PCBP3: variants seen among roughly 807,000 people sequenced by gnomAD.
PCBP3 encodes poly(rC)-binding protein 3.
Under a neutral mutation model 52.7 loss-of-function variants are expected in PCBP3, and 25 were observed. The ratio of observed to expected loss-of-function variants is 0.47; its 90% CI spans 0.35 to 0.66. The LOEUF is 0.66. Among genes scored for constraint, PCBP3 ranks in the 30% least tolerant of loss-of-function variants. The probability of loss-of-function intolerance (pLI) is 0.01; values close to 1 mark genes in which losing one functional copy is unlikely to be tolerated. For missense variants in PCBP3, 391 were observed against 490.3 expected (o/e 0.80, Z 1.91); for synonymous variants, 162 against 183.0 (o/e 0.89, Z 0.93).
chr21:45,877,107 G>C (rs56695250), intron 5 of PCBP3, among the ~76,000 whole-genome samples: 1 of 152,230 alleles, frequency 6.6e-6, no homozygotes, highest in Admixed American at 6.5e-5. Context: ...GGCCTCACAT[G>C]ACACTTTCAA....
intron 3 of PCBP3, among the ~76,000 whole-genome samples, chr21:45,748,795 G>C (rs987622478): frequency 6.6e-6 from 1 of 152,212 alleles, no homozygotes; most frequent in African/African-American, 2.4e-5. Context: ...AGAAGTGTCC[G>C]GTAGGAACCC....
At chr21:45,789,882 G>T (rs1358688103) in intron 4 of PCBP3, among the ~76,000 whole-genome samples, 1 of 152,214 alleles carries the variant, frequency 6.6e-6, no homozygotes, top group Non-Finnish European at 1.5e-5. Context: ...GCTCACGCCT[G>T]TAATCCCACC....
chr21:45,819,491 A>G (rs1422403246), intron 4 of PCBP3, among the ~76,000 whole-genome samples: 1 of 152,220 alleles, frequency 6.6e-6, no homozygotes, highest in Non-Finnish European at 1.5e-5. Flanking sequence ...TGCAGAGACC[A>G]CACCTGGCAC....
chr21:45,920,327 C>T (rs1172057068), intron 13 of PCBP3, among the ~76,000 whole-genome samples: 7 of 152,204 alleles, frequency 4.6e-5, no homozygotes, highest in Admixed American at 2.6e-4. Context: ...GGCTGTGTGC[C>T]ACGGTGGGAC....
intron 1 of PCBP3, among the ~76,000 whole-genome samples, chr21:45,647,506 A>T (rs2079395656): frequency 6.6e-6 from 1 of 152,240 alleles, no homozygotes; most frequent in South Asian, 2.1e-4. Flanking sequence ...GCCGAGAATC[A>T]GGGAAAGCTT....
chr21:45,680,529 A>G (rs566685062), intron 2 of PCBP3, among the ~76,000 whole-genome samples: 1 of 152,360 alleles, frequency 6.6e-6, no homozygotes, highest in East Asian at 1.9e-4. Context: ...ATACAAAAAT[A>G]AAATGAATTT....
chr21:45,802,309 C>G lies in PCBP3; in HGVS notation c.-126+46857C>G, dbSNP rs550160318. Among the ~76,000 whole-genome samples the G allele has an allele frequency of 2.6e-5, 4 of 152,292 alleles. No individual in the cohort carries two copies. The South Asian group carries it at 8.3e-4, about 32-fold the overall frequency. On this transcript the variant is annotated intron_variant, in intron 4 of 17. Coordinates refer to ENST00000681687, the MANE Select transcript of PCBP3 (RefSeq NM_001384156.1). The surrounding 1 kb of genome is among the most constrained non-coding windows in gnomAD (Gnocchi z 5.1). ...TCCGGCCCCTGCGTCAGCACCACCC[C>G]TTGCTGTGTTCCTGAAGCGTCCTGT...
intron 4 of PCBP3, among the ~76,000 whole-genome samples, chr21:45,836,595 G>T (rs931858967): frequency 1.3e-5 from 2 of 151,676 alleles, no homozygotes; most frequent in Admixed American, 1.3e-4. Flanking sequence ...CATATGACAC[G>T]TACGTAACGT....
chr21:45,922,608 C>G (rs1783075), intron 13 of PCBP3, among the ~76,000 whole-genome samples: 105,920 of 152,180 alleles, frequency 0.7, 38,348 homozygotes, highest in African/African-American at 0.89. Context: ...AGTCTTCCAG[C>G]TCTCCTAATC....
chr21:45,876,945 C>T (rs1049675135), intron 5 of PCBP3, among the ~76,000 whole-genome samples: 1 of 152,254 alleles, frequency 6.6e-6, no homozygotes, highest in South Asian at 2.1e-4. Flanking sequence ...CCCGCCTTCT[C>T]GGGGCAAGCA....
intron 5 of PCBP3, among the ~76,000 whole-genome samples, chr21:45,884,693 T>C (rs1475487815): frequency 6.6e-6 from 1 of 152,164 alleles, no homozygotes; most frequent in Admixed American, 6.5e-5. Flanking sequence ...CCCCAGTAGC[T>C]GGGACCACAG....
chr21:45,745,986 C>T (rs1368804777), intron 3 of PCBP3, among the ~76,000 whole-genome samples: 2 of 149,066 alleles, frequency 1.3e-5, no homozygotes, highest in East Asian at 2.0e-4. Context: ...ATTGACGTAG[C>T]GCACACGGTG....
At chr21:45,897,839 G>T (rs1438495970) in intron 6 of PCBP3, among the ~76,000 whole-genome samples, 1 of 152,162 alleles carries the variant, frequency 6.6e-6, no homozygotes, top group Non-Finnish European at 1.5e-5. Flanking sequence ...TTCCTTCCAT[G>T]TTCAGCTCCC....
intron 13 of PCBP3, among the ~76,000 whole-genome samples, chr21:45,927,179 CTA>C (rs1331739749): frequency 2.0e-5 from 3 of 151,320 alleles, no homozygotes; most frequent in African/African-American, 4.9e-5. Context: ...TAGTAGTTGT[CTA>C]TGTGTTACAT....
chr21:45,873,820 G>A (rs1171451243), intron 5 of PCBP3, among the ~76,000 whole-genome samples: 1 of 152,204 alleles, frequency 6.6e-6, no homozygotes, highest in Non-Finnish European at 1.5e-5. Context: ...TTTTGAGACA[G>A]GGTCTCGCTC....
chr21:45,691,163 T>C (rs1031217977), intron 2 of PCBP3, among the ~76,000 whole-genome samples: 7 of 151,880 alleles, frequency 4.6e-5, no homozygotes, highest in Non-Finnish European at 1.0e-4. Context: ...TACTAACTAA[T>C]AAACAGGAAC....
chr21:45,743,473 T>C (rs2086598721), intron 3 of PCBP3, among the ~76,000 whole-genome samples: 1 of 152,292 alleles, frequency 6.6e-6, no homozygotes, highest in Non-Finnish European at 1.5e-5. Context: ...ACTATTTAGG[T>C]GGTTGTATGA....
intron 1 of PCBP3, among the ~76,000 whole-genome samples, chr21:45,668,343 A>T (rs1356367306): frequency 6.6e-6 from 1 of 152,198 alleles, no homozygotes; most frequent in East Asian, 1.9e-4. Flanking sequence ...AAAATTAAAC[A>T]ATTGTCTTTG....
At chr21:45,727,886 G>A (rs2085173832) in intron 2 of PCBP3, among the ~76,000 whole-genome samples, 1 of 152,230 alleles carries the variant, frequency 6.6e-6, no homozygotes, top group Non-Finnish European at 1.5e-5. Context: ...GGTTAATACT[G>A]TGTGCAGACT....
Sources: allele counts gnomAD v4.1 joint callset (sites outside exome capture counted in the v4.1 genomes callset), GRCh38; gene constraint gnomAD v4.1.1; non-coding constraint Gnocchi (gnomAD v3.1); transcripts MANE v1.5; gene names NCBI Gene and HGNC (gene_info 2026-07-23, HGNC 2026-07-21).